Variants in SELE observed in about 807,000 individuals in gnomAD.
SELE encodes selectin E, also known as E-selectin.
Under a neutral mutation model 75.8 loss-of-function variants are expected in SELE, and 52 were observed. The ratio of observed to expected loss-of-function variants is 0.69; its 90% confidence interval spans 0.55 to 0.86. SELE has a LOEUF of 0.86. SELE is among the 40% of genes least tolerant of loss of function. SELE has a pLI of 0.00. For synonymous variants in SELE, 285 were observed against 258.7 expected (o/e 1.10, Z -0.98); for missense variants, 754 against 732.7 (o/e 1.03, Z -0.34).
intron 7 of SELE, 64 bp downstream of exon 7, chr1:169,729,122 C>A: frequency 1.4e-6 from 2 of 1,386,450 alleles, no homozygotes; most frequent in South Asian, 1.5e-5. Flanking sequence ...TTTTTTTTTT[C>A]ACTGTCCAAG....
chr1:169,733,806 T>G, intron 1 of SELE, 146 bp from the exon 2 acceptor site: 1 of 589,910 alleles, frequency 1.7e-6, no homozygotes, highest in Non-Finnish European at 3.0e-6. Context: ...TTTAATCAAA[T>G]AAATAAACAA....
chr1:169,729,809 A>G, intron 5 of SELE, 136 bp from the exon 6 acceptor site: 1 of 688,578 alleles, frequency 1.5e-6, no homozygotes, highest in Non-Finnish European at 2.4e-6. Flanking sequence ...TCTTAGGGAC[A>G]TGCACAGCCA....
At position 169,732,714 on chromosome 1, in the gene SELE, C is replaced by G. The variant is rs766657980; in HGVS notation, c.322G>C (p.Asp108His). 3.7e-6 allele frequency: 6 copies of G among 1,613,960 alleles called. No individual in the cohort carries two copies. Among genetic ancestry groups the G allele is most frequent in the African/African-American group, 1.3e-5 (1 of 74,898 alleles). Residue 108 changes from aspartate (D) to histidine (H), a missense_variant, in exon 3 of 14, where the codon GAT becomes CAT. By Grantham distance (81) the Asp-to-His change is moderately conservative (BLOSUM62 -1). Transcript: ENST00000333360. ...ATGTAGATCTCCACGCAGTCCTCATCTTTTTGCCTATTGTTGGGTTCACCT... is the reference window on the plus strand; with the variant it reads ...ATGTAGATCTCCACGCAGTCCTCATGTTTTTGCCTATTGTTGGGTTCACCT... Reference protein sequence around the residue: ...APGEPNNRQKDEDCVEIYIKR... With the variant: ...APGEPNNRQKHEDCVEIYIKR...
rs770740485 is a variant in SELE at position 169,729,479 on chromosome 1, C to T, written c.901+9G>A. The T allele has an allele frequency of 6.2e-7, 1 of 1,613,126 alleles. No individual in the cohort carries two copies. Among genetic ancestry groups the T allele is most frequent in the Non-Finnish European group, 8.5e-7 (1 of 1,179,346 alleles). ...GTTCACAGTAAGTCTCCATGTGGAACAACTCTACCTTTACACGTTGGCTTC... is the reference window on the plus strand; with the variant it reads ...GTTCACAGTAAGTCTCCATGTGGAATAACTCTACCTTTACACGTTGGCTTC... On this transcript the variant is annotated intron_variant, in intron 6 of 13. Coordinates refer to ENST00000333360, the MANE Select transcript of SELE (RefSeq NM_000450.2).
rs1648811520 is a variant in SELE, at chr1:169,727,781, T to G, written c.1426A>C (p.Thr476Pro). The G allele has an allele frequency of 1.9e-6, 3 of 1,614,162 alleles. No homozygotes were observed. The highest frequency in any genetic ancestry group is 2.5e-6 in the Non-Finnish European group (3 of 1,180,018). ...ELHGSTQLEC[T>P]SQGQWTEEVP... ...TCTTCTGTCCATTGTCCCTGAGATG[T>G]GCACTCAAGTTGAGTTGATCCATGT... The change falls in exon 9 of 14, where the codon ACA becomes CCA. Residue 476 changes from threonine to proline, a missense_variant. Physicochemically the swap from Thr to Pro is conservative, Grantham distance 38. Transcript: ENST00000333360.
In SELE at chr1:169,728,233, T is replaced by C. The variant is rs1306948191; in HGVS notation, c.1104A>G (p.Thr368=). The C allele has an allele frequency of 1.2e-6, 2 of 1,613,474 alleles. No individual in the cohort carries two copies. The highest frequency in any genetic ancestry group is 1.7e-6 in the Non-Finnish European group (2 of 1,179,796). ...AGCCTCGCTCGGGGTTGGACAAGGCTGTGCACTGGAAAGCTGAGACATCAA... is the reference window on the plus strand; with the variant it reads ...AGCCTCGCTCGGGGTTGGACAAGGCCGTGCACTGGAAAGCTGAGACATCAA... ...QIPVCEAFQC[T]ALSNPERGYM... Residue 368 remains threonine (T), a synonymous_variant, in exon 8 of 14, where the codon ACA becomes ACG. Coordinates refer to ENST00000333360, the MANE Select transcript of SELE (RefSeq NM_000450.2).
chr1:169,728,010 T>C, intron 8 of SELE, 48 bp downstream of exon 8: 1 of 1,584,408 alleles, frequency 6.3e-7, no homozygotes, highest in East Asian at 2.2e-5. Flanking sequence ...TCCCAAGCTC[T>C]TCAATAGTTC....
chr1:169,726,050 G>T, intron 11 of SELE, 122 bp from the exon 12 acceptor site: 1 of 1,101,888 alleles, frequency 9.1e-7, no homozygotes, highest in Non-Finnish European at 1.4e-6. Context: ...CAGGGCCTCT[G>T]TAATAATCAG....
intron 4 of SELE, chr1:169,731,540 T>C (rs1453097648): frequency 3.6e-6 from 1 of 274,406 alleles, no homozygotes; most frequent in African/African-American, 2.2e-5. Flanking sequence ...GTGTCCTGTG[T>C]GCCAGGCACC....
At chr1:169,730,368 T>C (rs1239745078) in intron 5 of SELE, 64 bp downstream of exon 5, 4 of 1,346,172 alleles carry the variant, frequency 3.0e-6, no homozygotes, top group Non-Finnish European at 4.0e-6. Flanking sequence ...GTAAGTTGAA[T>C]CAAAAAACAG....
chr1:169,726,085 C>G (rs1648756095), intron 11 of SELE, among the ~76,000 whole-genome samples, 157 bp from the exon 12 acceptor site: 2 of 152,282 alleles, frequency 1.3e-5, no homozygotes, highest in South Asian at 4.1e-4. Context: ...TCTGTGGCAT[C>G]TAGGGTAAAA....
rs752075788 is a variant in SELE at position 169,732,898 on chromosome 1, G to A, written c.138C>T (p.His46=). ...CTTCTTTGTTTTGAATTGCAACCAG[G>A]TGTGTGTACCTTTGCTGACAATAAG... The part of the protein sequence containing the change: ...ASAYCQQRYT[H]LVAIQNKEEI... The change falls in exon 3 of 14, where the codon CAC becomes CAT. Residue 46 remains histidine (H), a synonymous_variant. Transcript: ENST00000333360. The A allele has an allele frequency of 5.0e-6, 8 of 1,614,128 alleles. No homozygotes were observed. Among genetic ancestry groups the A allele is most frequent in the African/African-American group, 1.3e-5 (1 of 75,032 alleles).
chr1:169,725,998 A>G, intron 11 of SELE, 70 bp from the exon 12 acceptor site: 1 of 1,549,866 alleles, frequency 6.5e-7, no homozygotes, highest in African/African-American at 1.4e-5. Context: ...AAATCCAGAT[A>G]CAATATGACT....
At chr1:169,725,586 G>T in intron 13 of SELE, 143 bp downstream of exon 13, 1 of 623,966 alleles carries the variant, frequency 1.6e-6, no homozygotes, top group African/African-American at 1.8e-5. Flanking sequence ...AAAAAATAAA[G>T]CAACTTTCCA....
rs1314207059 is a variant in SELE at position 169,722,865 on chromosome 1, T to A, written c.*1660A>T. ...TAAACAATTTCAAAGAAAATAACAC[T>A]GTATTCCATACATAGCCTGATCACA... On this transcript the variant is annotated 3_prime_UTR_variant, in exon 14 of 14. Transcript: ENST00000333360. 1 of 152,216 alleles carries A rather than the reference T, an allele frequency of 6.6e-6. No homozygotes were observed. Among genetic ancestry groups the A allele is most frequent in the Non-Finnish European group, 1.5e-5 (1 of 68,026 alleles). 9.4% of individuals were successfully genotyped at this position (152,216 alleles called of 1,614,324 possible). A position where few individuals can be genotyped will look rare whatever the true frequency, so the allele number is the denominator to read the frequency against.
At position 169,729,488 on chromosome 1, in the gene SELE, C is replaced by A. The variant is rs36100651; in HGVS notation, c.901G>T (p.Ala301Ser). 2.5e-6 allele frequency: 4 copies of A among 1,613,918 alleles called. No homozygotes were observed. Among genetic ancestry groups the A allele is most frequent in the Admixed American group, 1.7e-5 (1 of 60,018 alleles). The change falls in exon 6 of 14, where the codon GCT becomes TCT. Residue 301 changes from alanine to serine, a missense_variant and splice_region_variant. Physicochemically the swap from Ala to Ser is moderately conservative, Grantham distance 99 (BLOSUM62 1). Coordinates refer to ENST00000333360, the MANE Select transcript of SELE (RefSeq NM_000450.2). ...NWDNEKPTCK[A>S]VTCRAVRQPQ... ...AAGTCTCCATGTGGAACAACTCTAC[C>A]TTTACACGTTGGCTTCTCGTTGTCC...
Position 169,732,674 on chromosome 1 carries a change from T to C in SELE, c.362A>G (p.Asp121Gly), listed in dbSNP as rs1314330065. 3.7e-6 allele frequency: 6 copies of C among 1,613,612 alleles called. No individual in the cohort carries two copies. Among genetic ancestry groups the C allele is most frequent in the Non-Finnish European group, 4.2e-6 (5 of 1,179,868 alleles). ...CCTCTCATCATTCCACATGCCCACA[T>C]CTTTTTCTCTCTTGATGTAGATCTC... is the stretch of plus-strand genomic sequence containing the variant. ...CVEIYIKREK[D>G]VGMWNDERCS... Residue 121 changes from aspartate (D) to glycine (G), a missense_variant, in exon 3 of 14, where the codon GAT becomes GGT. Coordinates refer to ENST00000333360, the MANE Select transcript of SELE (RefSeq NM_000450.2).
Position 169,728,096 on chromosome 1 carries a change from G to A in SELE, c.1241C>T (p.Pro414Leu). Reference sequence around the variant, plus strand: ...CTTCTCGTTGTCCCACTCCCCTGTGGGGCCACATTGGAGCCTTTTGGATCC... The same window carrying A: ...CTTCTCGTTGTCCCACTCCCCTGTGAGGCCACATTGGAGCCTTTTGGATCC... ...LKGSKRLQCG[P>L]TGEWDNEKPT... The change falls in exon 8 of 14, where the codon CCC becomes CTC. Residue 414 changes from proline (P) to leucine (L), a missense_variant. Pro to Leu is a moderately conservative substitution (Grantham distance 98). Coordinates refer to ENST00000333360, the MANE Select transcript of SELE (RefSeq NM_000450.2). 1.2e-6 allele frequency: 2 copies of A among 1,614,110 alleles called. No homozygotes were observed. The highest frequency in any genetic ancestry group is 1.7e-6 in the Non-Finnish European group (2 of 1,180,000).
At chr1:169,732,031 G>T in intron 3 of SELE, 89 bp from the exon 4 acceptor site, 1 of 783,290 alleles carries the variant, frequency 1.3e-6, no homozygotes. Context: ...GTGCAACAGA[G>T]ACATCAGCAG....
Sources: gnomAD v4.1 joint callset for allele counts (sites outside exome capture counted in the v4.1 genomes callset) on GRCh38, gnomAD v4.1.1 for gene constraint, MANE v1.5 for transcripts, NCBI Gene and HGNC (gene_info 2026-07-23, HGNC 2026-07-21) for gene names.